GRAMD4: variants seen among roughly 807,000 people sequenced by gnomAD.
The protein encoded by GRAMD4 is GRAM domain containing 4.
GRAMD4 carries 25 observed loss-of-function variants against 83.9 expected under a neutral mutation model. The ratio of observed to expected loss-of-function variants is 0.30; its 90% CI spans 0.22 to 0.42. The LOEUF is 0.42. Among genes scored for constraint, GRAMD4 ranks in the 10% least tolerant of loss-of-function variants. GRAMD4 has a pLI of 1.00. For synonymous variants in GRAMD4, 336 were observed against 320.9 expected (o/e 1.05, Z -0.50); for missense variants, 593 against 788.7 (o/e 0.75, Z 2.97).
chr22:46,587,604 G>C (rs987883524), intron 1 of GRAMD4, among the ~76,000 whole-genome samples: 1 of 152,052 alleles, frequency 6.6e-6, no homozygotes, highest in South Asian at 2.1e-4. Flanking sequence ...GGGGCGGGGG[G>C]CCAGTGGGCT....
intron 1 of GRAMD4, among the ~76,000 whole-genome samples, chr22:46,613,582 G>A (rs1481191161): frequency 6.6e-6 from 1 of 152,146 alleles, no homozygotes; most frequent in Admixed American, 6.5e-5. Context: ...GCTGGGTGGC[G>A]GCTACCCGAT....
intron 1 of GRAMD4, among the ~76,000 whole-genome samples, chr22:46,614,157 A>G (rs942999757): frequency 6.6e-6 from 1 of 152,304 alleles, no homozygotes; most frequent in African/African-American, 2.4e-5. Context: ...TCATTTCTGA[A>G]TCATATGATA....
intron 3 of GRAMD4, among the ~76,000 whole-genome samples, 199 bp from the exon 4 acceptor site, chr22:46,657,988 A>G (rs989008163): frequency 6.6e-6 from 1 of 152,148 alleles, no homozygotes; most frequent in African/African-American, 2.4e-5. Flanking sequence ...GCTCCTGCCC[A>G]GGAGGAAGGG....
intron 1 of GRAMD4, among the ~76,000 whole-genome samples, chr22:46,602,616 C>T (rs1057010588): frequency 3.3e-5 from 5 of 151,598 alleles, no homozygotes; most frequent in African/African-American, 1.2e-4. Flanking sequence ...GAGCTGTGAT[C>T]GTACCACTGC....
At chr22:46,635,804 C>G (rs1252232761) in intron 2 of GRAMD4, among the ~76,000 whole-genome samples, 1 of 146,712 alleles carries the variant, frequency 6.8e-6, no homozygotes, top group Admixed American at 6.8e-5. Context: ...CCCCCACCCC[C>G]CCGGCCACTG....
chr22:46,680,721 C>CCCACCCATCCATCCACCCACCCAT (rs1569313667), downstream of GRAMD4, among the ~76,000 whole-genome samples: 669 of 110,182 alleles, frequency 6.1e-3, 18 homozygotes, highest in African/African-American at 0.013. Context: ...CATCCACCCA[C>CCCACCCATCCATCCACCCACCCAT]CCACCCATCC....
rs187693729 is a variant in GRAMD4, at chr22:46,578,901, C to T, written c.-50+1611C>T. 1.6e-3 allele frequency among the ~76,000 whole-genome samples: 245 copies of T among 152,346 alleles called. 4 individuals carry two copies. Among genetic ancestry groups the T allele is most frequent in the African/African-American group, 5.6e-3 (232 of 41,572 alleles). The stretch of plus-strand genomic sequence containing the variant: ...GACCTCGAAGCCCCACAGTCCTCAC[C>T]GTGCTGGGCTCACAGGGAGATGCAG... On this transcript the variant is annotated intron_variant, in intron 1 of 1. Coordinates refer to the GRAMD4 transcript ENST00000431155.
Position 46,679,029 on chromosome 22 carries a change from AG to A in GRAMD4, c.*1783del. 1 of 985,588 alleles carries A rather than the reference AG, an allele frequency of 1.0e-6. No individual in the cohort carries two copies. Among genetic ancestry groups the A allele is most frequent in the Non-Finnish European group, 1.2e-6 (1 of 829,930 alleles). The allele number at this position is 985,588 out of a possible 1,614,324, so 61.1% of individuals were successfully genotyped here. On this transcript the variant is annotated 3_prime_UTR_variant, in exon 19 of 19. Transcript: ENST00000406902. The stretch of plus-strand genomic sequence containing the variant: ...ACTGGCTCTCTTGGTGCACCAGGGG[AG>A]GGGGACATATCCCAGTGAACCCCAC...
At chr22:46,666,333 C>T (rs918948005) in intron 9 of GRAMD4, among the ~76,000 whole-genome samples, 7 of 152,218 alleles carry the variant, frequency 4.6e-5, no homozygotes, top group African/African-American at 1.2e-4. Flanking sequence ...AGCCTTGCAC[C>T]GAGGCTCAGG....
chr22:46,682,735 A>C (rs1288330849), downstream of GRAMD4, among the ~76,000 whole-genome samples: 1 of 152,244 alleles, frequency 6.6e-6, no homozygotes. Flanking sequence ...GCTGTTCCTG[A>C]ATAAACTCTT....
intron 1 of GRAMD4, among the ~76,000 whole-genome samples, chr22:46,605,580 G>C (rs2081356916): frequency 6.6e-6 from 1 of 152,254 alleles, no homozygotes; most frequent in Non-Finnish European, 1.5e-5. Context: ...GTGCACAAGG[G>C]TTCCGGTTTC....
At chr22:46,680,594 C>CCACCCACCCACCCATTCATCCATA (rs2082659203), downstream of GRAMD4, among the ~76,000 whole-genome samples, 1 of 130,128 alleles carries the variant, frequency 7.7e-6, no homozygotes, top group African/African-American at 2.8e-5. Flanking sequence ...ATCCATCCAT[C>CCACCCACCCACCCATTCATCCATA]CACCCACCCA....
chr22:46,582,143 C>T (rs2081104554), intron 1 of GRAMD4, among the ~76,000 whole-genome samples: 4 of 152,222 alleles, frequency 2.6e-5, no homozygotes, highest in South Asian at 4.2e-4. Context: ...TTTGCAGTGG[C>T]CGAGTCACTG....
At chr22:46,587,075 A>G (rs917586937) in intron 1 of GRAMD4, among the ~76,000 whole-genome samples, 1 of 152,114 alleles carries the variant, frequency 6.6e-6, no homozygotes, top group Admixed American at 6.5e-5. Flanking sequence ...TTCTCAGCCC[A>G]CTCTGCGCCC....
At chr22:46,629,282 A>G (rs1021604145) in intron 2 of GRAMD4, among the ~76,000 whole-genome samples, 4 of 152,256 alleles carry the variant, frequency 2.6e-5, no homozygotes, top group Admixed American at 2.6e-4. Context: ...GGGGGACGGC[A>G]GTCTCGTCCA....
At chr22:46,670,854 C>T (rs562382075) in intron 13 of GRAMD4, among the ~76,000 whole-genome samples, 1 of 152,210 alleles carries the variant, frequency 6.6e-6, no homozygotes, top group Admixed American at 6.5e-5. Flanking sequence ...TCCGCCCGCT[C>T]GGCCTCCCAA....
intron 1 of GRAMD4, among the ~76,000 whole-genome samples, chr22:46,596,309 C>T (rs527338399): frequency 6.6e-6 from 1 of 152,338 alleles, no homozygotes; most frequent in African/African-American, 2.4e-5. Flanking sequence ...TTTCCACAGA[C>T]GTAAGTGTGG....
chr22:46,588,677 G>A lies in GRAMD4; in HGVS notation c.-50+11387G>A, dbSNP rs112014396. On this transcript the variant is annotated intron_variant, in intron 1 of 1. Transcript: ENST00000431155. ...GGAGCTGCGGGGTGCCCACCCTTTC[G>A]TCCGTCCTCCTTCCCCGGCCTGATC... Among the ~76,000 whole-genome samples the A allele has an allele frequency of 1.6e-4, 24 of 152,254 alleles. 1 individual carries two copies. The highest frequency in any genetic ancestry group is 2.4e-4 in the African/African-American group (10 of 41,548).
chr22:46,584,868 C>T (rs372345715), intron 1 of GRAMD4, among the ~76,000 whole-genome samples: 23 of 152,322 alleles, frequency 1.5e-4, no homozygotes, highest in East Asian at 1.2e-3. Context: ...TCCCAGAGTC[C>T]GGCCTCCTCG....
Sources: gnomAD v4.1 joint callset for allele counts (sites outside exome capture counted in the v4.1 genomes callset) on GRCh38, gnomAD v4.1.1 for gene constraint, MANE v1.5 for transcripts, NCBI Gene and HGNC (gene_info 2026-07-23, HGNC 2026-07-21) for gene names.